The following ANKRD6 variants were observed in gnomAD, a reference collection of about 807,000 sequenced individuals.
The protein encoded by ANKRD6 is ankyrin repeat domain 6.
Under a neutral mutation model 82.3 loss-of-function variants are expected in ANKRD6, and 56 were observed. That is an observed-to-expected ratio of 0.68 (90% CI 0.55 to 0.85). ANKRD6 has a LOEUF of 0.85. ANKRD6 is among the 40% of genes least tolerant of loss of function. ANKRD6 has a pLI of 0.00. For missense variants in ANKRD6, 852 were observed against 907.6 expected, an observed-to-expected ratio of 0.94 and a Z score of 0.79; for synonymous variants, 347 against 352.1, an observed-to-expected ratio of 0.99 and a Z score of 0.16.
intron 3 of ANKRD6, among the ~76,000 whole-genome samples, chr6:89,599,283 AGATT>A (rs1796571820): frequency 1.3e-5 from 2 of 152,164 alleles, no homozygotes; most frequent in Admixed American, 6.5e-5. Context: ...TGAAGTGGGA[AGATT>A]GATTGAGCCT....
intron 1 of ANKRD6, among the ~76,000 whole-genome samples, chr6:89,535,327 A>G (rs1266558865): frequency 6.6e-6 from 1 of 151,442 alleles, no homozygotes; most frequent in Non-Finnish European, 1.5e-5. Context: ...AGAATTAGCC[A>G]TCCTGGGGGG....
At chr6:89,446,210 G>A (rs1187720931) in intron 1 of ANKRD6, among the ~76,000 whole-genome samples, 6 of 152,098 alleles carry the variant, frequency 3.9e-5, no homozygotes, top group African/African-American at 1.4e-4. Context: ...AAATTAACTG[G>A]GCATGCTGGT....
intron 1 of ANKRD6, among the ~76,000 whole-genome samples, chr6:89,462,127 G>C (rs1236224454): frequency 6.6e-6 from 1 of 151,680 alleles, no homozygotes; most frequent in African/African-American, 2.4e-5. Context: ...AGCTACTCAG[G>C]GGGCTGAGGC....
intron 1 of ANKRD6, among the ~76,000 whole-genome samples, chr6:89,504,387 T>C (rs1456495450): frequency 6.6e-6 from 1 of 151,164 alleles, no homozygotes; most frequent in Non-Finnish European, 1.5e-5. Flanking sequence ...TGTAGGACAG[T>C]CTCTCTCTCG....
At chr6:89,624,153 T>C (rs1247715380) in intron 12 of ANKRD6, 96 bp downstream of exon 12, 1 of 1,337,448 alleles carries the variant, frequency 7.5e-7, no homozygotes, top group East Asian at 2.5e-5. Flanking sequence ...ACTTTAGGCA[T>C]TGACTTAGTT....
chr6:89,621,464 A>G (rs1433672272), intron 9 of ANKRD6: 2 of 170,620 alleles, frequency 1.2e-5, no homozygotes, highest in Non-Finnish European at 2.6e-5. Flanking sequence ...TGTGACTTGG[A>G]CACAGTTTGG....
At chr6:89,447,758 G>A (rs769773652) in intron 1 of ANKRD6, among the ~76,000 whole-genome samples, 7 of 151,972 alleles carry the variant, frequency 4.6e-5, no homozygotes, top group Non-Finnish European at 1.0e-4. Flanking sequence ...GTGTGATGTC[G>A]GGTCACTGCA....
chr6:89,613,696 T>C, intron 6 of ANKRD6, 96 bp from the exon 7 acceptor site: 1 of 1,097,264 alleles, frequency 9.1e-7, no homozygotes. Flanking sequence ...GAGTACATGA[T>C]AGTCTGCTAG....
intron 1 of ANKRD6, among the ~76,000 whole-genome samples, chr6:89,520,439 A>G (rs1196211557): frequency 6.6e-6 from 1 of 152,254 alleles, no homozygotes; most frequent in African/African-American, 2.4e-5. Context: ...GACTCAAAAT[A>G]TATGTTAGCA....
rs551736854 is a variant in ANKRD6 at position 89,543,323 on chromosome 6, C to T, written c.-143-23511C>T. ...TTCTGACTCTTCCTCATCCAGGGAACCATTTTGAGGGTCTGCTAGTTTCTA... is the reference window on the plus strand; with the variant it reads ...TTCTGACTCTTCCTCATCCAGGGAATCATTTTGAGGGTCTGCTAGTTTCTA... On this transcript the variant is annotated intron_variant, in intron 1 of 15. Coordinates refer to ENST00000339746, the MANE Select transcript of ANKRD6 (RefSeq NM_001242809.2). Among the ~76,000 whole-genome samples, 6 of 152,276 alleles carry T rather than the reference C, an allele frequency of 3.9e-5. No homozygotes were observed. The East Asian group carries it at 9.6e-4, about 24-fold the overall frequency.
chr6:89,516,402 A>G (rs1781218948), intron 1 of ANKRD6, among the ~76,000 whole-genome samples: 1 of 152,110 alleles, frequency 6.6e-6, no homozygotes, highest in Non-Finnish European at 1.5e-5. Flanking sequence ...TCAAATTTAC[A>G]CCACTGGTTT....
intron 1 of ANKRD6, among the ~76,000 whole-genome samples, chr6:89,557,182 T>G (rs1301535744): frequency 6.6e-6 from 1 of 152,104 alleles, no homozygotes; most frequent in Admixed American, 6.6e-5. Flanking sequence ...AAGGAAGATG[T>G]CTGGTAGGTG....
chr6:89,548,490 A>G (rs995629862), intron 1 of ANKRD6, among the ~76,000 whole-genome samples: 2 of 152,204 alleles, frequency 1.3e-5, no homozygotes, highest in African/African-American at 2.4e-5. Context: ...TGAAGAGAAC[A>G]TTTGTATACA....
intron 2 of ANKRD6, among the ~76,000 whole-genome samples, chr6:89,571,824 A>G (rs961061872): frequency 3.9e-5 from 6 of 152,154 alleles, no homozygotes; most frequent in South Asian, 2.1e-4. Flanking sequence ...TGTACATTCT[A>G]TGGATTTGGA....
intron 1 of ANKRD6, among the ~76,000 whole-genome samples, chr6:89,472,167 C>G (rs1157531559): frequency 6.6e-6 from 1 of 152,054 alleles, no homozygotes; most frequent in Non-Finnish European, 1.5e-5. Context: ...GTCCTAATTT[C>G]CCCATTCTAT....
chr6:89,437,998 T>C (rs1206900082), intron 1 of ANKRD6, among the ~76,000 whole-genome samples: 1 of 152,198 alleles, frequency 6.6e-6, no homozygotes, highest in Non-Finnish European at 1.5e-5. Context: ...TTCACCTTGT[T>C]GCCCAGGCTC....
At chr6:89,475,102 G>A (rs1775887464) in intron 1 of ANKRD6, among the ~76,000 whole-genome samples, 1 of 152,006 alleles carries the variant, frequency 6.6e-6, no homozygotes, top group Admixed American at 6.6e-5. Context: ...TGGACTTTGG[G>A]TCAACCATAA....
In ANKRD6 at chr6:89,566,997, C is replaced by T. The variant is rs755664803; in HGVS notation, c.21C>T (p.Val7=). ...AATTCATGAGCCAGCAAGATGCGGT[C>T]GCTGCACTTTCAGAGCGCCTTCTCG... MSQQDA[V]AALSERLLVA... The change falls in exon 2 of 16, where the codon GTC becomes GTT. Residue 7 remains valine, a synonymous_variant. Transcript: ENST00000339746. The T allele has an allele frequency of 8.4e-5, 135 of 1,598,168 alleles. 2 individuals carry two copies. Among genetic ancestry groups the T allele is most frequent in the South Asian group, 8.1e-4 (71 of 87,916 alleles).
intron 1 of ANKRD6, among the ~76,000 whole-genome samples, chr6:89,559,470 G>A (rs1213140895): frequency 6.6e-6 from 1 of 152,040 alleles, no homozygotes; most frequent in Non-Finnish European, 1.5e-5. Flanking sequence ...TATATGCTTG[G>A]TACTCCACAA....
Sources: allele counts gnomAD v4.1 joint callset (sites outside exome capture counted in the v4.1 genomes callset), GRCh38; gene constraint gnomAD v4.1.1; transcripts MANE v1.5; gene names NCBI Gene and HGNC (gene_info 2026-07-23, HGNC 2026-07-21).